Variants in KLHL24 observed in about 807,000 individuals in gnomAD.
KLHL24 encodes kelch like family member 24, also known as kelch-like protein 24.
A neutral mutation model predicts 53.4 loss-of-function variants in KLHL24; 29 were observed. The ratio of observed to expected loss-of-function variants is 0.54; its 90% CI spans 0.40 to 0.74. The LOEUF (loss-of-function observed/expected upper bound fraction) is 0.74. Among genes scored for constraint, KLHL24 ranks in the 30% least tolerant of loss-of-function variants. KLHL24 has a pLI of 0.00. For missense variants in KLHL24, 504 were observed against 744.0 expected, an observed-to-expected ratio of 0.68 and a Z score of 3.75; for synonymous variants, 222 against 253.7, an observed-to-expected ratio of 0.88 and a Z score of 1.19.
At chr3:183,677,806 T>C (rs547526585) in intron 7 of KLHL24, among the ~76,000 whole-genome samples, 5 of 152,254 alleles carry the variant, frequency 3.3e-5, no homozygotes, top group Admixed American at 2.6e-4. Context: ...GTTTATTTTT[T>C]TTGAGACGGA....
intron 3 of KLHL24, among the ~76,000 whole-genome samples, chr3:183,653,801 G>GTTA (rs34377163): frequency 0.33 from 50,669 of 151,732 alleles, 9,279 homozygotes; most frequent in African/African-American, 0.49. Context: ...TGCAGATAAT[G>GTTA]TTATAGCTCC....
At chr3:183,654,989 G>A (rs1046978994) in intron 3 of KLHL24, among the ~76,000 whole-genome samples, 7 of 152,230 alleles carry the variant, frequency 4.6e-5, no homozygotes, top group Admixed American at 3.9e-4. Flanking sequence ...GTGATGCAGA[G>A]ATTAACTCTG....
At chr3:183,651,316 T>C (rs776079908) in intron 3 of KLHL24, 40 bp downstream of exon 3, 1 of 1,467,642 alleles carries the variant, frequency 6.8e-7, no homozygotes, top group Admixed American at 1.9e-5. Context: ...CAAAAGTTTT[T>C]AATATATCTT....
At position 183,682,548 on chromosome 3, in the gene KLHL24, TTCAATTC is replaced by T. The variant is rs1325317819; in HGVS notation, c.*3263_*3269del. 5.2e-5 allele frequency: 8 copies of T among 152,604 alleles called. No homozygotes were observed. The highest frequency in any genetic ancestry group is 1.2e-4 in the Non-Finnish European group (8 of 68,030). The allele number at this position is 152,604 out of a possible 1,614,324, so 9.5% of individuals were successfully genotyped here. On this transcript the variant is annotated 3_prime_UTR_variant, in exon 8 of 8. Coordinates refer to ENST00000242810, the MANE Select transcript of KLHL24 (RefSeq NM_017644.3). Reference sequence around the variant, plus strand: ...TGTAAAGTGCCATGACTGAATAATCTTCAATTCATGATTCTAGAGTAAGTTTAATTTG... The same window carrying T: ...TGTAAAGTGCCATGACTGAATAATCTATGATTCTAGAGTAAGTTTAATTTG...
chr3:183,681,055 T>A lies in KLHL24; in HGVS notation c.*1769T>A, dbSNP rs77113831. 1 of 152,094 alleles carries A rather than the reference T, an allele frequency of 6.6e-6. No individual in the cohort carries two copies. The highest frequency in any genetic ancestry group is 6.5e-5 in the Admixed American group (1 of 15,278). The allele number at this position is 152,094 out of a possible 1,614,324, so 9.4% of individuals were successfully genotyped here. The stretch of plus-strand genomic sequence containing the variant: ...AGGAAAACTCTAAAAAACTTAAAAA[T>A]TTTTAGGGAATTTTTATTTTTCAAA... On this transcript the variant is annotated 3_prime_UTR_variant, in exon 8 of 8. Coordinates refer to ENST00000242810, the MANE Select transcript of KLHL24 (RefSeq NM_017644.3).
At chr3:183,657,381 C>T (rs1719061999) in intron 3 of KLHL24, among the ~76,000 whole-genome samples, 1 of 152,176 alleles carries the variant, frequency 6.6e-6, no homozygotes, top group Non-Finnish European at 1.5e-5. Context: ...AGGTTGGAAT[C>T]AGCCATTAAG....
chr3:183,651,306 C>G, intron 3 of KLHL24, 30 bp downstream of exon 3: 1 of 1,551,276 alleles, frequency 6.4e-7, no homozygotes, highest in Admixed American at 1.8e-5. Context: ...ATATAGTTAA[C>G]AAAAGTTTTT....
At chr3:183,660,921 C>T (rs1025254327) in intron 3 of KLHL24, among the ~76,000 whole-genome samples, 2 of 150,214 alleles carry the variant, frequency 1.3e-5, no homozygotes, top group Non-Finnish European at 3.0e-5. Flanking sequence ...AGCAATTAGC[C>T]GGGCGTGGTG....
chr3:183,643,171 C>G (rs9852261), intron 1 of KLHL24: 51,027 of 152,326 alleles, frequency 0.33, 9,412 homozygotes, highest in African/African-American at 0.49. Flanking sequence ...CGGAGGTTGC[C>G]GTGAGCCGAG....
chr3:183,671,589 T>A (rs1315744241), intron 6 of KLHL24, among the ~76,000 whole-genome samples: 3 of 152,208 alleles, frequency 2.0e-5, no homozygotes, highest in Non-Finnish European at 4.4e-5. Context: ...ATATGCTGCT[T>A]CCAACTGGGT....
intron 3 of KLHL24, among the ~76,000 whole-genome samples, chr3:183,655,888 G>A (rs981734048): frequency 7.9e-5 from 12 of 151,868 alleles, no homozygotes; most frequent in African/African-American, 2.7e-4. Context: ...CCGAGATCGC[G>A]CCACTGTACT....
intron 1 of KLHL24, among the ~76,000 whole-genome samples, chr3:183,640,558 T>C (rs947912222): frequency 3.9e-5 from 6 of 152,082 alleles, no homozygotes; most frequent in Admixed American, 3.3e-4. Context: ...AAGGTTTTAG[T>C]TGGTTTCTGT....
intron 3 of KLHL24, among the ~76,000 whole-genome samples, chr3:183,652,244 C>T (rs1010594374): frequency 1.3e-5 from 2 of 152,078 alleles, no homozygotes; most frequent in African/African-American, 2.4e-5. Flanking sequence ...TATCTTCTTC[C>T]AGTATATTAT....
At chr3:183,671,711 A>G (rs1032003974) in intron 6 of KLHL24, among the ~76,000 whole-genome samples, 1 of 152,224 alleles carries the variant, frequency 6.6e-6, no homozygotes, top group African/African-American at 2.4e-5. Context: ...CTGGGACGAA[A>G]GAATATGTGC....
intron 7 of KLHL24, among the ~76,000 whole-genome samples, chr3:183,675,702 G>A (rs1711716967): frequency 6.6e-6 from 1 of 151,996 alleles, no homozygotes; most frequent in East Asian, 1.9e-4. Context: ...GGAAGCTGAG[G>A]CAGGAGGATC....
At chr3:183,669,295 T>C (rs1054940205) in intron 5 of KLHL24, among the ~76,000 whole-genome samples, 33 of 151,904 alleles carry the variant, frequency 2.2e-4, no homozygotes, top group Admixed American at 3.3e-4. Context: ...GACATTGCAG[T>C]GAGCTGAGAT....
chr3:183,677,297 G>T (rs956789985), intron 7 of KLHL24, among the ~76,000 whole-genome samples: 2 of 152,024 alleles, frequency 1.3e-5, no homozygotes, highest in Non-Finnish European at 2.9e-5. Context: ...GTTTTTGTTT[G>T]TTTTTATTAT....
rs766918695 is a variant in KLHL24, at chr3:183,663,432, A to G, written c.921-26A>G. ...TTAATGTAATATTATTATATTATTT[A>G]TGTACGCTAATAATTATTATTTTAG... On this transcript the variant is annotated intron_variant, in intron 3 of 7. Coordinates refer to ENST00000242810, the MANE Select transcript of KLHL24 (RefSeq NM_017644.3). The surrounding 1 kb of genome is among the most constrained non-coding windows in gnomAD (Gnocchi z 4.9). 1.5e-5 allele frequency: 18 copies of G among 1,199,268 alleles called. No individual in the cohort carries two copies. The South Asian group carries it at 2.2e-4, about 15-fold the overall frequency. 74.3% of individuals were successfully genotyped at this position (1,199,268 alleles called of 1,614,324 possible). A position where few individuals can be genotyped will look rare whatever the true frequency, so the allele number is the denominator to read the frequency against.
At chr3:183,636,868 C>A (rs957335606) in intron 1 of KLHL24, among the ~76,000 whole-genome samples, 1 of 152,030 alleles carries the variant, frequency 6.6e-6, no homozygotes, top group Non-Finnish European at 1.5e-5. Flanking sequence ...CTGGTAGCCT[C>A]GGTGGCCGCC....
Sources: allele counts gnomAD v4.1 joint callset (sites outside exome capture counted in the v4.1 genomes callset), GRCh38; gene constraint gnomAD v4.1.1; non-coding constraint Gnocchi (gnomAD v3.1); transcripts MANE v1.5; gene names NCBI Gene and HGNC (gene_info 2026-07-23, HGNC 2026-07-21).